Variants in HS3ST5 observed in about 807,000 individuals in gnomAD.
The protein encoded by HS3ST5 is heparan sulfate-glucosamine 3-sulfotransferase 5.
In HS3ST5, 10 loss-of-function variants were observed where a neutral mutation model predicts 25.4. That is an observed-to-expected ratio of 0.39 (90% CI 0.24 to 0.67). The LOEUF is 0.67. Among genes scored for constraint, HS3ST5 ranks in the 30% least tolerant of loss-of-function variants. The pLI is 0.44. For missense variants in HS3ST5, 324 were observed against 420.7 expected, an observed-to-expected ratio of 0.77 and a Z score of 2.01; for synonymous variants, 170 against 162.4, an observed-to-expected ratio of 1.05 and a Z score of -0.36.
chr6:114,235,900 C>T (rs1184740062), intron 1 of HS3ST5: 1 of 152,206 alleles, frequency 6.6e-6, no homozygotes, highest in Non-Finnish European at 1.5e-5. Context: ...GTAGGGGACA[C>T]AAAGAATATC....
chr6:114,112,182 A>T (rs1228646815), intron 3 of HS3ST5, among the ~76,000 whole-genome samples: 2 of 152,194 alleles, frequency 1.3e-5, no homozygotes, highest in African/African-American at 4.8e-5. Context: ...TTATATGGCG[A>T]AGGGGAATTA....
At chr6:114,194,238 T>A (rs1780635812) in intron 2 of HS3ST5, among the ~76,000 whole-genome samples, 1 of 152,188 alleles carries the variant, frequency 6.6e-6, no homozygotes, top group South Asian at 2.1e-4. Flanking sequence ...AGAAATTAAT[T>A]TCCTAAAAGC....
chr6:114,181,810 T>C (rs1779984329), intron 2 of HS3ST5, among the ~76,000 whole-genome samples: 1 of 152,178 alleles, frequency 6.6e-6, no homozygotes, highest in African/African-American at 2.4e-5. Context: ...TGCTTTGTTT[T>C]CTGGCAAAAA....
chr6:114,218,500 C>T (rs1365504729), intron 2 of HS3ST5, among the ~76,000 whole-genome samples: 1 of 152,158 alleles, frequency 6.6e-6, no homozygotes, highest in African/African-American at 2.4e-5. Flanking sequence ...CTCAAAACCT[C>T]AATGTTAAAA....
rs943413449 is a variant in HS3ST5, at chr6:114,139,451, C to T, written c.-33+28900G>A. On this transcript the variant is annotated intron_variant, in intron 3 of 4. Coordinates refer to ENST00000312719, the MANE Select transcript of HS3ST5 (RefSeq NM_153612.4). ...GTGTGCGTTTGTTGATCACTTCATCCGGGTAATTCAGCATGAGTAGACCCA... is the reference window on the plus strand; with the variant it reads ...GTGTGCGTTTGTTGATCACTTCATCTGGGTAATTCAGCATGAGTAGACCCA... Among the ~76,000 whole-genome samples, 3 of 151,782 alleles carry T rather than the reference C, an allele frequency of 2.0e-5. No individual in the cohort carries two copies. The East Asian group carries it at 5.8e-4, about 29-fold the overall frequency.
At chr6:114,331,659 A>G (rs1349086036) in intron 1 of HS3ST5, among the ~76,000 whole-genome samples, 5 of 152,124 alleles carry the variant, frequency 3.3e-5, no homozygotes, top group African/African-American at 1.2e-4. Context: ...TTACTTGCAT[A>G]TATAATTACT....
At chr6:114,065,527 A>G (rs895594989) in intron 3 of HS3ST5, among the ~76,000 whole-genome samples, 1 of 152,224 alleles carries the variant, frequency 6.6e-6, no homozygotes, top group African/African-American at 2.4e-5. Flanking sequence ...TTTCTTATCT[A>G]CAATATGAGG....
intron 1 of HS3ST5, among the ~76,000 whole-genome samples, chr6:114,273,896 G>A (rs886192747): frequency 5.3e-5 from 8 of 152,106 alleles, no homozygotes; most frequent in African/African-American, 1.7e-4. Context: ...ACTCTAAAAG[G>A]CAAAAGAAAA....
At chr6:114,082,834 C>T (rs572698738) in intron 3 of HS3ST5, among the ~76,000 whole-genome samples, 39 of 152,290 alleles carry the variant, frequency 2.6e-4, no homozygotes, top group African/African-American at 8.7e-4. Flanking sequence ...TTACTCACCC[C>T]GTCATTCTCT....
chr6:114,262,474 G>A (rs1044730981), intron 1 of HS3ST5, among the ~76,000 whole-genome samples: 3 of 152,012 alleles, frequency 2.0e-5, no homozygotes, highest in Non-Finnish European at 4.4e-5. Context: ...GTGAACCCAG[G>A]AGGTGGAGCT....
chr6:114,279,915 A>G (rs1239415218), intron 1 of HS3ST5, among the ~76,000 whole-genome samples: 3 of 151,968 alleles, frequency 2.0e-5, no homozygotes, highest in African/African-American at 7.2e-5. Context: ...CTGACCTCCA[A>G]TATTATGGAG....
At chr6:114,162,586 T>A (rs1779024580) in intron 3 of HS3ST5, among the ~76,000 whole-genome samples, 1 of 152,206 alleles carries the variant, frequency 6.6e-6, no homozygotes, top group Admixed American at 6.6e-5. Flanking sequence ...AATGACTCCC[T>A]ATCACTTGGA....
chr6:114,066,628 G>A (rs550236925), intron 3 of HS3ST5, among the ~76,000 whole-genome samples: 72 of 151,996 alleles, frequency 4.7e-4, no homozygotes, highest in African/African-American at 1.5e-3. Flanking sequence ...GCAAGGCTCC[G>A]TCTCAAAAAC....
At chr6:114,238,945 G>A (rs1436123044) in intron 1 of HS3ST5, 1 of 152,106 alleles carries the variant, frequency 6.6e-6, no homozygotes, top group Non-Finnish European at 1.5e-5. Context: ...ATTATCCCTT[G>A]TGCATTTCTG....
At chr6:114,151,733 C>T (rs1330781314) in intron 3 of HS3ST5, among the ~76,000 whole-genome samples, 1 of 152,150 alleles carries the variant, frequency 6.6e-6, no homozygotes, top group East Asian at 1.9e-4. Flanking sequence ...TGAAAGAAGA[C>T]ACTCCCAAAT....
intron 1 of HS3ST5, among the ~76,000 whole-genome samples, chr6:114,236,377 T>A (rs577396183): frequency 1.3e-5 from 2 of 152,314 alleles, no homozygotes; most frequent in South Asian, 4.1e-4. Flanking sequence ...GGCTGAAAAA[T>A]TGAGTGAATG....
chr6:114,179,621 C>T (rs1779870431), intron 2 of HS3ST5, among the ~76,000 whole-genome samples: 1 of 149,954 alleles, frequency 6.7e-6, no homozygotes, highest in Non-Finnish European at 1.5e-5. Flanking sequence ...GATTTTGAAC[C>T]TTGGTCTCTT....
chr6:114,113,381 C>G (rs970038761), intron 3 of HS3ST5, among the ~76,000 whole-genome samples: 1 of 152,074 alleles, frequency 6.6e-6, no homozygotes, highest in African/African-American at 2.4e-5. Context: ...CCTGTTTACT[C>G]CAGCCTTATT....
chr6:114,104,260 G>A (rs1775884438), intron 3 of HS3ST5, among the ~76,000 whole-genome samples: 1 of 152,096 alleles, frequency 6.6e-6, no homozygotes. Context: ...TATCCAGCAA[G>A]TAGACATACC....
Sources: gnomAD v4.1 joint callset for allele counts (sites outside exome capture counted in the v4.1 genomes callset) on GRCh38, gnomAD v4.1.1 for gene constraint, MANE v1.5 for transcripts, NCBI Gene and HGNC (gene_info 2026-07-23, HGNC 2026-07-21) for gene names.